The following SYNJ2 variants were observed in gnomAD, a reference collection of about 807,000 sequenced individuals.
SYNJ2 encodes synaptojanin 2.
SYNJ2 carries 116 observed loss-of-function variants against 141.3 expected under a neutral mutation model. The observed-to-expected ratio is 0.82, with a 90% CI of 0.71 to 0.96. The LOEUF is 0.96. SYNJ2 is among the 40% of genes least tolerant of loss of function. The probability of loss-of-function intolerance (pLI) is 0.00; values close to 1 mark genes in which losing one functional copy is unlikely to be tolerated. For synonymous variants in SYNJ2, 745 were observed against 777.7 expected, an observed-to-expected ratio of 0.96 and a Z score of 0.70; for missense variants, 1,873 against 1,934.8, an observed-to-expected ratio of 0.97 and a Z score of 0.60.
chr6:158,081,532 T>A, intron 20 of SYNJ2, 22 bp downstream of exon 20: 1 of 1,591,540 alleles, frequency 6.3e-7, no homozygotes, highest in East Asian at 2.3e-5. Context: ...TTGGCCACAC[T>A]GTGGAGTGGG....
chr6:158,033,921 A>G (rs1316206367), intron 4 of SYNJ2, among the ~76,000 whole-genome samples: 1 of 152,198 alleles, frequency 6.6e-6, no homozygotes, highest in Non-Finnish European at 1.5e-5. Flanking sequence ...TGCTTAGCCG[A>G]GGTATTTTTA....
At position 158,069,617 on chromosome 6, in the gene SYNJ2, G is replaced by A; in HGVS notation, c.1884G>A (p.Gln628=). The A allele has an allele frequency of 6.2e-7, 1 of 1,614,062 alleles. No homozygotes were observed. The highest frequency in any genetic ancestry group is 8.5e-7 in the Non-Finnish European group (1 of 1,179,954). The part of the protein sequence containing the change: ...SHRYILLTSA[Q]LVGVCLYIFV... Reference sequence around the variant, plus strand: ...GATACATTCTGTTGACTTCGGCACAGCTGGTGGGCGTCTGTCTTTATATCT... The same window carrying A: ...GATACATTCTGTTGACTTCGGCACAACTGGTGGGCGTCTGTCTTTATATCT... Residue 628 remains glutamine (Q), a synonymous_variant, in exon 14 of 27, where the codon CAG becomes CAA. Transcript: ENST00000355585.
chr6:158,059,263 G>C lies in SYNJ2; in HGVS notation c.864G>C (p.Met288Ile). The C allele has an allele frequency of 6.5e-7, 1 of 1,549,232 alleles. No homozygotes were observed. ...EANAPAFDRH[M>I]VLLKEQYGQQ... ...CACCCCGCTGCCTTTGCAGGCACAT[G>C]GTGCTTCTGAAGGAGCAGTACGGGC... The change falls in exon 7 of 27, where the codon ATG becomes ATC. Residue 288 changes from methionine to isoleucine, a missense_variant. Transcript: ENST00000355585.
intron 4 of SYNJ2, among the ~76,000 whole-genome samples, chr6:158,037,487 T>C (rs1487860988): frequency 6.7e-6 from 1 of 149,748 alleles, no homozygotes; most frequent in East Asian, 2.0e-4. Context: ...CTGCAAGCTC[T>C]GCCTCCCGGG....
intron 4 of SYNJ2, among the ~76,000 whole-genome samples, chr6:158,041,831 C>T (rs1404227340): frequency 6.6e-6 from 1 of 152,194 alleles, no homozygotes; most frequent in Non-Finnish European, 1.5e-5. Flanking sequence ...GCCTCAGCCT[C>T]CCGAATAGCT....
chr6:158,068,140 TAAAAA>T (rs35047437), intron 12 of SYNJ2, among the ~76,000 whole-genome samples: 1 of 126,082 alleles, frequency 7.9e-6, no homozygotes. Context: ...TTGTTTTATT[TAAAAA>T]AAAAAAAAAA....
In SYNJ2 at chr6:158,083,859, C is replaced by T. The variant is rs945785467; in HGVS notation, c.3035-142C>T. On this transcript the variant is annotated intron_variant, in intron 21 of 26. Coordinates refer to ENST00000355585, the MANE Select transcript of SYNJ2 (RefSeq NM_003898.4). ...GGGTGTACCAATGGAACTGGGGTAC[C>T]GTCCCTGCTGGCGCCTGGGCCCTGA... 3.2e-5 allele frequency: 33 copies of T among 1,046,906 alleles called. No individual in the cohort carries two copies. In the African/African-American group the frequency reaches 3.2e-4, roughly 10 times the overall value. 64.9% of individuals were successfully genotyped at this position (1,046,906 alleles called of 1,614,324 possible). A position where few individuals can be genotyped will look rare whatever the true frequency, so the allele number is the denominator to read the frequency against.
Position 158,066,800 on chromosome 6 carries a change from G to A in SYNJ2, c.1717+165G>A, listed in dbSNP as rs149279448. ...GCCTGACTCTCAAGAATGCTGCCTC[G>A]CAAGTAACTGACCTTTTTCCTTTCC... On this transcript the variant is annotated intron_variant, in intron 12 of 26. Transcript: ENST00000355585. 307 of 757,304 alleles carry A rather than the reference G, an allele frequency of 4.1e-4. 3 individuals carry two copies. In the African/African-American group the frequency reaches 4.4e-3, roughly 11 times the overall value. The allele number at this position is 757,304 out of a possible 1,614,324, so 46.9% of individuals were successfully genotyped here.
chr6:158,064,454 T>C, intron 9 of SYNJ2, 147 bp from the exon 10 acceptor site: 1 of 987,806 alleles, frequency 1.0e-6, no homozygotes, highest in Non-Finnish European at 1.5e-6. Context: ...CACTCTCTGC[T>C]GTGGGAACTC....
chr6:158,026,093 A>G (rs1325188423), intron 2 of SYNJ2, among the ~76,000 whole-genome samples: 2 of 152,214 alleles, frequency 1.3e-5, no homozygotes, highest in Non-Finnish European at 2.9e-5. Flanking sequence ...AGTGAAACCT[A>G]CATTTTGGCT....
rs1392041193 is a variant in SYNJ2 at position 158,064,929 on chromosome 6, A to G, written c.1463A>G (p.Asp488Gly). 1 of 1,613,494 alleles carries G rather than the reference A, an allele frequency of 6.2e-7. No individual in the cohort carries two copies. ...QEAIKLLLVGDVYGEEVADKG... is the reference protein window; with the variant it reads ...QEAIKLLLVGGVYGEEVADKG... ...GCCATCAAGCTGCTGCTGGTTGGGG[A>G]CGTCTACGGCGAGGAGGTGGCAGAC... The change falls in exon 11 of 27, where the codon GAC (aspartate) becomes GGC (glycine). Residue 488 changes from aspartate to glycine, a missense_variant. Coordinates refer to ENST00000355585, the MANE Select transcript of SYNJ2 (RefSeq NM_003898.4).
chr6:158,073,056 C>T lies in SYNJ2; in HGVS notation c.2133+1262C>T, dbSNP rs766747255. On this transcript the variant is annotated intron_variant, in intron 15 of 26. Transcript: ENST00000355585. The stretch of plus-strand genomic sequence containing the variant: ...CTACACTCCAGCCTCGGCAACAGAG[C>T]GAGACTCTGTCTAAAAAAAAAAAAA... 9.8e-5 allele frequency among the ~76,000 whole-genome samples: 12 copies of T among 122,190 alleles called. No individual in the cohort carries two copies. The South Asian group carries it at 2.7e-3, about 28-fold the overall frequency. The allele number at this position is 122,190 out of a possible 152,430, so 80.2% of individuals were successfully genotyped here.
Position 158,089,900 on chromosome 6 carries a change from C to T in SYNJ2, c.3518C>T (p.Ala1173Val). Reference protein sequence around the residue: ...YNVKQIKTTNAQEAEAAIRCL... With the variant: ...YNVKQIKTTNVQEAEAAIRCL... Reference sequence around the variant, plus strand: ...GTCAAGCAGATCAAAACCACCAATGCCCAGGAGGCAGAAGCAGCAATCCGG... The same window carrying T: ...GTCAAGCAGATCAAAACCACCAATGTCCAGGAGGCAGAAGCAGCAATCCGG... The change falls in exon 25 of 27, where the codon GCC becomes GTC. Residue 1173 changes from alanine (A) to valine (V), a missense_variant. Ala to Val is a moderately conservative substitution (Grantham distance 64). Coordinates refer to ENST00000355585, the MANE Select transcript of SYNJ2 (RefSeq NM_003898.4). The T allele has an allele frequency of 1.2e-6, 2 of 1,614,084 alleles. No individual in the cohort carries two copies. Among genetic ancestry groups the T allele is most frequent in the Non-Finnish European group, 1.7e-6 (2 of 1,179,994 alleles).
chr6:158,073,343 G>A (rs949346994), intron 15 of SYNJ2, among the ~76,000 whole-genome samples: 3 of 141,194 alleles, frequency 2.1e-5, no homozygotes, highest in East Asian at 2.2e-4. Flanking sequence ...GATTACAGGC[G>A]TGCACCACCA....
chr6:157,984,750 T>C (rs1777135820), intron 1 of SYNJ2, among the ~76,000 whole-genome samples: 1 of 152,246 alleles, frequency 6.6e-6, no homozygotes, highest in African/African-American at 2.4e-5. Context: ...TACTTTTGTA[T>C]GGGACAGGAC....
At chr6:158,082,681 G>A (rs988850208) in intron 20 of SYNJ2, among the ~76,000 whole-genome samples, 7 of 151,938 alleles carry the variant, frequency 4.6e-5, no homozygotes, top group Non-Finnish European at 8.8e-5. Context: ...CAAACAGAAT[G>A]GGGAAGAAGA....
chr6:158,024,318 A>G (rs533186989), intron 2 of SYNJ2, among the ~76,000 whole-genome samples: 3 of 152,242 alleles, frequency 2.0e-5, no homozygotes, highest in African/African-American at 7.2e-5. Flanking sequence ...CCGGCTACTC[A>G]AGAGGCTGAG....
Position 158,084,211 on chromosome 6 carries a change from TG to T in SYNJ2, c.3208+39del, listed in dbSNP as rs754370068. 1.9e-6 allele frequency: 3 copies of T among 1,600,710 alleles called. No homozygotes were observed. The highest frequency in any genetic ancestry group is 2.6e-6 in the Non-Finnish European group (3 of 1,172,626). On this transcript the variant is annotated intron_variant, in intron 22 of 26. Transcript: ENST00000355585. This position sits in a 1 kb window ranked among gnomAD's most constrained non-coding sequence, Gnocchi z 5.0. ...CTTCTTTTCTCAGGAGCCTCAGCGA[TG>T]GAGTCAGCTCAGGACAGACTTTCCT...
intron 5 of SYNJ2, among the ~76,000 whole-genome samples, chr6:158,044,531 G>A (rs1370535171): frequency 2.6e-5 from 4 of 152,172 alleles, no homozygotes; most frequent in Admixed American, 6.5e-5. Context: ...GACGGCCTCC[G>A]GAGAAACGCT....
Sources: allele counts gnomAD v4.1 joint callset (sites outside exome capture counted in the v4.1 genomes callset), GRCh38; gene constraint gnomAD v4.1.1; non-coding constraint Gnocchi (gnomAD v3.1); transcripts MANE v1.5; gene names NCBI Gene and HGNC (gene_info 2026-07-23, HGNC 2026-07-21).